Variants in TMEM108 observed in about 807,000 individuals in gnomAD.
TMEM108 encodes the protein transmembrane protein 108, also known as cancer/testis antigen 124.
In TMEM108, 12 loss-of-function variants were observed where a neutral mutation model predicts 35.1. The observed-to-expected ratio is 0.34, with a 90% CI of 0.22 to 0.55. The LOEUF (loss-of-function observed/expected upper bound fraction) is 0.55, where lower values mean the gene tolerates loss of function less well. Among genes scored for constraint, TMEM108 ranks in the 20% least tolerant of loss-of-function variants. The pLI, the probability that TMEM108 is intolerant of heterozygous loss-of-function variation, is 0.89. For missense variants in TMEM108, 680 were observed against 753.3 expected (o/e 0.90, Z 1.14); for synonymous variants, 287 against 308.6 (o/e 0.93, Z 0.73).
chr3:133,249,023 G>A (rs1272207409), intron 3 of TMEM108, among the ~76,000 whole-genome samples: 12 of 152,288 alleles, frequency 7.9e-5, no homozygotes, highest in African/African-American at 2.6e-4. Flanking sequence ...GTGCTGGTGG[G>A]CCTCCTCCTC....
Position 133,240,073 on chromosome 3 carries a change from A to G in TMEM108, c.40+10722A>G, listed in dbSNP as rs570687173. On this transcript the variant is annotated intron_variant, in intron 3 of 5. Transcript: ENST00000321871. ...ACTCTTGGTCTTGACTGCTTATTGC[A>G]GCTGTCTCATTTTAGAACTTGATTT... Among the ~76,000 whole-genome samples the G allele has an allele frequency of 2.0e-5, 3 of 152,332 alleles. No individual in the cohort carries two copies. The East Asian group carries it at 5.8e-4, about 29-fold the overall frequency.
intron 3 of TMEM108, among the ~76,000 whole-genome samples, chr3:133,363,222 G>A (rs937984835): frequency 1.3e-5 from 2 of 152,014 alleles, no homozygotes; most frequent in African/African-American, 4.8e-5. Context: ...GGTCAGATCC[G>A]AATCACCTGG....
At chr3:133,383,652 G>A (rs942707890) in intron 4 of TMEM108, among the ~76,000 whole-genome samples, 3 of 152,190 alleles carry the variant, frequency 2.0e-5, no homozygotes, top group South Asian at 2.1e-4. Flanking sequence ...CCCATGGGCT[G>A]CCTAAACCAT....
chr3:133,292,493 C>G (rs1947084771), intron 3 of TMEM108, among the ~76,000 whole-genome samples: 1 of 152,132 alleles, frequency 6.6e-6, no homozygotes, highest in Non-Finnish European at 1.5e-5. Flanking sequence ...AGCTTTGGCA[C>G]TGATTGTCAT....
intron 3 of TMEM108, among the ~76,000 whole-genome samples, chr3:133,358,746 C>T (rs1478375893): frequency 1.3e-5 from 2 of 152,150 alleles, no homozygotes; most frequent in Non-Finnish European, 2.9e-5. Context: ...TCTCTCCTGT[C>T]CCTTCTCCCC....
At chr3:133,098,708 A>G (rs1944048571) in intron 2 of TMEM108, among the ~76,000 whole-genome samples, 1 of 152,214 alleles carries the variant, frequency 6.6e-6, no homozygotes, top group Non-Finnish European at 1.5e-5. Context: ...GGGTCCATGC[A>G]AGTCTGAAAT....
intron 3 of TMEM108, among the ~76,000 whole-genome samples, chr3:133,348,687 A>G (rs2107763721): frequency 6.6e-6 from 1 of 151,964 alleles, no homozygotes; most frequent in South Asian, 2.1e-4. Flanking sequence ...GGGTGAGGCA[A>G]CTCCCTTTGG....
intron 3 of TMEM108, among the ~76,000 whole-genome samples, chr3:133,352,528 C>A (rs1198432126): frequency 6.6e-6 from 1 of 152,214 alleles, no homozygotes; most frequent in Non-Finnish European, 1.5e-5. Context: ...CAGGTTGCCA[C>A]CTATGCTTTT....
chr3:133,126,844 T>C (rs1944424064), intron 2 of TMEM108, among the ~76,000 whole-genome samples: 2 of 152,220 alleles, frequency 1.3e-5, no homozygotes, highest in Non-Finnish European at 2.9e-5. Flanking sequence ...TTTAGATTAC[T>C]TAAAATACCT....
chr3:133,201,626 G>A (rs562076872), intron 2 of TMEM108, among the ~76,000 whole-genome samples: 192 of 152,280 alleles, frequency 1.3e-3, no homozygotes, highest in African/African-American at 4.3e-3. Context: ...TGAAGGACAT[G>A]AACTCATCCT....
intron 2 of TMEM108, among the ~76,000 whole-genome samples, chr3:133,135,476 C>T (rs1042272418): frequency 2.6e-5 from 4 of 152,072 alleles, no homozygotes; most frequent in East Asian, 1.9e-4. Context: ...GGAGCTTAGG[C>T]GCGGGTTGGT....
intron 2 of TMEM108, among the ~76,000 whole-genome samples, chr3:133,056,754 A>G (rs1354638033): frequency 6.6e-6 from 1 of 152,222 alleles, no homozygotes; most frequent in African/African-American, 2.4e-5. Flanking sequence ...AACTATGTTC[A>G]TGGACATTCA....
chr3:133,096,919 A>T (rs1297680328), intron 2 of TMEM108, among the ~76,000 whole-genome samples: 3 of 152,226 alleles, frequency 2.0e-5, no homozygotes, highest in Non-Finnish European at 4.4e-5. Context: ...GTTGGCCCCA[A>T]GAGGAAATGT....
intron 2 of TMEM108, among the ~76,000 whole-genome samples, chr3:133,087,288 C>T (rs545312938): frequency 6.6e-6 from 1 of 152,300 alleles, no homozygotes; most frequent in Admixed American, 6.5e-5. Flanking sequence ...TCCTCTGAAC[C>T]TTACCATCCC....
At chr3:133,146,329 G>A (rs1294996661) in intron 2 of TMEM108, among the ~76,000 whole-genome samples, 1 of 152,134 alleles carries the variant, frequency 6.6e-6, no homozygotes. Context: ...TGACTGTGGT[G>A]GATAAACTAT....
At chr3:133,144,841 AG>A (rs1385353765) in intron 2 of TMEM108, among the ~76,000 whole-genome samples, 1 of 152,110 alleles carries the variant, frequency 6.6e-6, no homozygotes. Flanking sequence ...AATTTGTTTA[AG>A]TTCCTTGTAG....
At chr3:133,357,544 C>T (rs1045523799) in intron 3 of TMEM108, among the ~76,000 whole-genome samples, 11 of 152,014 alleles carry the variant, frequency 7.2e-5, no homozygotes, top group African/African-American at 2.7e-4. Context: ...CACCAACCAA[C>T]GAATGGATAA....
At chr3:133,388,113 A>G (rs1262585970) in intron 4 of TMEM108, 8 of 985,170 alleles carry the variant, frequency 8.1e-6, no homozygotes, top group Non-Finnish European at 9.6e-6. Flanking sequence ...TCTAGCTCTA[A>G]CTCTACCAAA....
intron 2 of TMEM108, among the ~76,000 whole-genome samples, chr3:133,157,505 A>G (rs1944898641): frequency 6.6e-6 from 1 of 152,248 alleles, no homozygotes. Flanking sequence ...AAGTTTGGGA[A>G]AAGTAAACTC....
Sources: gnomAD v4.1 joint callset for allele counts (sites outside exome capture counted in the v4.1 genomes callset) on GRCh38, gnomAD v4.1.1 for gene constraint, MANE v1.5 for transcripts, NCBI Gene and HGNC (gene_info 2026-07-23, HGNC 2026-07-21) for gene names.